The following ARB2A variants were observed in gnomAD, a reference collection of about 807,000 sequenced individuals.
ARB2A encodes ARB2 cotranscriptional regulator A.
the ARB2A span, among the ~76,000 whole-genome samples, chr5:93,682,257 AAAAC>A: frequency 4.0e-5 from 6 of 151,766 alleles, no homozygotes; most frequent in Non-Finnish European, 2.9e-5. Flanking sequence ...AAAAAAAAAA[AAAAC>A]ATTTCTCACA....
the ARB2A span, among the ~76,000 whole-genome samples, chr5:93,629,181 C>CGGCGGAAT: frequency 6.6e-6 from 1 of 152,096 alleles, no homozygotes; most frequent in Non-Finnish European, 1.5e-5. Context: ...GGGTAAGAGA[C>CGGCGGAAT]GGCGGAATGG....
At chr5:93,986,213 C>A in the ARB2A span, among the ~76,000 whole-genome samples, 1 of 151,672 alleles carries the variant, frequency 6.6e-6, no homozygotes, top group South Asian at 2.1e-4. Flanking sequence ...AACTGAGGAG[C>A]CCCTCTGCCC....
chr5:93,987,222 C>T, the ARB2A span, among the ~76,000 whole-genome samples: 3 of 151,950 alleles, frequency 2.0e-5, no homozygotes, highest in South Asian at 2.1e-4. Flanking sequence ...CCATCCTAGC[C>T]GCCTCCTAGA....
the ARB2A span, among the ~76,000 whole-genome samples, chr5:93,919,181 T>A: frequency 3.9e-5 from 6 of 152,152 alleles, no homozygotes; most frequent in Non-Finnish European, 7.4e-5. Flanking sequence ...ACGAATTCAA[T>A]CACATATATT....
chr5:94,084,843 C>T, the ARB2A span, among the ~76,000 whole-genome samples: 1 of 151,998 alleles, frequency 6.6e-6, no homozygotes, highest in Non-Finnish European at 1.5e-5. Flanking sequence ...AAATTAGATA[C>T]CTATCTCACT....
the ARB2A span, among the ~76,000 whole-genome samples, chr5:93,909,304 A>AGG: frequency 6.6e-6 from 1 of 151,208 alleles, no homozygotes. Flanking sequence ...TGTACAAAAC[A>AGG]GTTAACTCTT....
the ARB2A span, among the ~76,000 whole-genome samples, chr5:93,981,406 T>A: frequency 6.6e-6 from 1 of 152,030 alleles, no homozygotes; most frequent in Admixed American, 6.6e-5. Context: ...CTCTGCTTGA[T>A]GTAAGTTCCT....
At chr5:93,728,867 A>G in the ARB2A span, among the ~76,000 whole-genome samples, 1 of 152,156 alleles carries the variant, frequency 6.6e-6, no homozygotes, top group Non-Finnish European at 1.5e-5. Flanking sequence ...GTGTTGTTCA[A>G]TGTCTTTTTG....
chr5:94,005,502 C>G, the ARB2A span, among the ~76,000 whole-genome samples: 1 of 152,146 alleles, frequency 6.6e-6, no homozygotes, highest in Non-Finnish European at 1.5e-5. Flanking sequence ...ACCACCACAC[C>G]TGGCCCACTC....
chr5:93,973,499 G>A, the ARB2A span, among the ~76,000 whole-genome samples: 28 of 152,204 alleles, frequency 1.8e-4, no homozygotes, highest in East Asian at 2.9e-3. Flanking sequence ...CATATTTGAG[G>A]ATATAATTAA....
chr5:93,865,632 G>A, the ARB2A span: 1 of 985,168 alleles, frequency 1.0e-6, no homozygotes, highest in African/African-American at 1.7e-5. Context: ...ATTTAATCTG[G>A]CCATTTACTT....
At chr5:93,796,728 G>A in the ARB2A span, among the ~76,000 whole-genome samples, 3 of 152,100 alleles carry the variant, frequency 2.0e-5, no homozygotes, top group Non-Finnish European at 4.4e-5. Flanking sequence ...ACAAATGTGG[G>A]ACAATTCTTT....
chr5:93,776,267 T>G, the ARB2A span: 1 of 1,572,766 alleles, frequency 6.4e-7, no homozygotes, highest in South Asian at 1.2e-5. Flanking sequence ...GAGACAATAT[T>G]GTTGAAATAC....
chr5:93,744,618 G>A, the ARB2A span, among the ~76,000 whole-genome samples: 1 of 152,010 alleles, frequency 6.6e-6, no homozygotes, highest in South Asian at 2.1e-4. Flanking sequence ...ATATTCTTAA[G>A]GGAAGTCTTG....
chr5:93,947,751 G>C, the ARB2A span, among the ~76,000 whole-genome samples: 60 of 142,358 alleles, frequency 4.2e-4, 1 homozygote, highest in Non-Finnish European at 1.2e-4. Context: ...CCACCTATGA[G>C]TGAGAATATG....
At chr5:93,960,668 G>T in the ARB2A span, among the ~76,000 whole-genome samples, 3 of 152,252 alleles carry the variant, frequency 2.0e-5, no homozygotes, top group East Asian at 3.9e-4. Context: ...ACTAAATAAT[G>T]GATCCTCTAA....
chr5:93,767,535 G>C, the ARB2A span, among the ~76,000 whole-genome samples: 1 of 152,112 alleles, frequency 6.6e-6, no homozygotes, highest in Non-Finnish European at 1.5e-5. Context: ...TATCTACCCA[G>C]AGGAAAAGAA....
At chr5:93,861,745 A>G in the ARB2A span, 1 of 152,228 alleles carries the variant, frequency 6.6e-6, no homozygotes, top group Non-Finnish European at 1.5e-5. Context: ...CTCAGAGGCC[A>G]TCGTTAAGCA....
At chr5:94,010,732 A>G in the ARB2A span, among the ~76,000 whole-genome samples, 1 of 152,058 alleles carries the variant, frequency 6.6e-6, no homozygotes, top group African/African-American at 2.4e-5. Flanking sequence ...TTATATTATT[A>G]TACTAAATAT....
Sources: allele counts gnomAD v4.1 joint callset (sites outside exome capture counted in the v4.1 genomes callset), GRCh38; gene constraint gnomAD v4.1.1; transcripts MANE v1.5; gene names NCBI Gene and HGNC (gene_info 2026-07-23, HGNC 2026-07-21).